The following SGCD variants were observed in gnomAD, a reference collection of about 807,000 sequenced individuals.
The protein encoded by SGCD is sarcoglycan delta.
A neutral mutation model predicts 36.6 loss-of-function variants in SGCD; 18 were observed. The observed-to-expected ratio is 0.49, with a 90% CI of 0.34 to 0.73. SGCD has a LOEUF of 0.73. Among genes scored for constraint, SGCD ranks in the 30% least tolerant of loss-of-function variants. The pLI is 0.01. For missense variants in SGCD, 387 were observed against 346.7 expected (o/e 1.12, Z -0.92); for synonymous variants, 133 against 130.6 (o/e 1.02, Z -0.12).
intron 7 of SGCD, among the ~76,000 whole-genome samples, chr5:156,719,842 GCTAT>G (rs1349602484): frequency 6.1e-5 from 9 of 148,426 alleles, no homozygotes; most frequent in African/African-American, 1.7e-4. Flanking sequence ...TTTTTTTTTG[GCTAT>G]CTGTCAGTTT....
chr5:156,021,948 A>T (rs1448257228), intron 1 of SGCD, among the ~76,000 whole-genome samples: 1 of 152,198 alleles, frequency 6.6e-6, no homozygotes, highest in Non-Finnish European at 1.5e-5. Context: ...TAGTATATTC[A>T]GAGTTGTACA....
At chr5:156,092,129 T>C (rs971931735) in intron 1 of SGCD, among the ~76,000 whole-genome samples, 2 of 152,218 alleles carry the variant, frequency 1.3e-5, no homozygotes, top group East Asian at 1.9e-4. Context: ...GTTCTGAGTA[T>C]AGTTCCTGTA....
intron 4 of SGCD, among the ~76,000 whole-genome samples, chr5:156,548,106 G>T (rs944130724): frequency 6.6e-6 from 1 of 152,164 alleles, no homozygotes; most frequent in African/African-American, 2.4e-5. Context: ...TAGGCACATA[G>T]CCTGAGTCAC....
intron 1 of SGCD, among the ~76,000 whole-genome samples, chr5:156,072,804 A>G (rs1018859267): frequency 3.9e-5 from 6 of 152,220 alleles, no homozygotes; most frequent in African/African-American, 1.2e-4. Flanking sequence ...ACATAGTCCC[A>G]TATTTCTTGG....
the SGCD span, among the ~76,000 whole-genome samples, chr5:155,836,053 A>T: frequency 2.0e-5 from 3 of 152,186 alleles, no homozygotes; most frequent in Non-Finnish European, 2.9e-5. Flanking sequence ...GATAACAGGG[A>T]TCTACTGTAT....
the SGCD span, among the ~76,000 whole-genome samples, chr5:155,772,485 A>G: frequency 6.6e-6 from 1 of 152,134 alleles, no homozygotes; most frequent in Non-Finnish European, 1.5e-5. Context: ...AGAGACAGGG[A>G]TGGATGGAGC....
chr5:156,412,405 TA>T, intron 3 of SGCD, among the ~76,000 whole-genome samples: 1 of 152,314 alleles, frequency 6.6e-6, no homozygotes, highest in South Asian at 2.1e-4. Context: ...AATTGGAAAA[TA>T]ACATAGTAAT....
the SGCD span, among the ~76,000 whole-genome samples, chr5:155,742,363 C>A: frequency 6.6e-6 from 1 of 152,046 alleles, no homozygotes; most frequent in East Asian, 1.9e-4. Flanking sequence ...ACCTTTTGTC[C>A]TTGGGTTCCT....
intron 7 of SGCD, among the ~76,000 whole-genome samples, chr5:156,750,132 A>G (rs1216944884): frequency 1.3e-5 from 2 of 152,128 alleles, no homozygotes; most frequent in African/African-American, 4.8e-5. Context: ...TCCATTATAT[A>G]AAATAGCATT....
chr5:155,893,148 A>T (rs1756175207), intron 1 of SGCD, among the ~76,000 whole-genome samples: 1 of 152,178 alleles, frequency 6.6e-6, no homozygotes, highest in Admixed American at 6.5e-5. Flanking sequence ...AGACACCGTA[A>T]ATGTTTGAGA....
At chr5:156,045,589 ACTT>A (rs1286265447) in intron 1 of SGCD, among the ~76,000 whole-genome samples, 2 of 152,152 alleles carry the variant, frequency 1.3e-5, no homozygotes, top group African/African-American at 4.8e-5. Flanking sequence ...ACAAAAATTT[ACTT>A]CTTTACACTT....
the SGCD span, among the ~76,000 whole-genome samples, chr5:155,762,891 G>A: frequency 3.2e-3 from 483 of 152,180 alleles, 1 homozygote; most frequent in African/African-American, 9.2e-3. Context: ...GAGTACCCTG[G>A]GTAGGTTAAG....
chr5:155,729,440 AG>A, the SGCD span, among the ~76,000 whole-genome samples: 1 of 152,250 alleles, frequency 6.6e-6, no homozygotes, highest in African/African-American at 2.4e-5. Context: ...AAAGAGACAG[AG>A]AAAGAGACAG....
chr5:156,259,032 C>T (rs1004422860), intron 3 of SGCD, among the ~76,000 whole-genome samples: 3 of 151,968 alleles, frequency 2.0e-5, no homozygotes, highest in Non-Finnish European at 4.4e-5. Flanking sequence ...CTGGCAAACA[C>T]GTCTTCAGAG....
At chr5:156,320,362 G>A (rs866028506) in intron 3 of SGCD, among the ~76,000 whole-genome samples, 2 of 152,132 alleles carry the variant, frequency 1.3e-5, no homozygotes, top group Non-Finnish European at 2.9e-5. Context: ...CTATCATGTA[G>A]TCTAGCTTCC....
chr5:156,609,959 G>A (rs1004246864), intron 6 of SGCD, among the ~76,000 whole-genome samples: 3 of 151,736 alleles, frequency 2.0e-5, no homozygotes, highest in African/African-American at 4.8e-5. Flanking sequence ...ATTTTTTTTC[G>A]AGGTTTTTAA....
rs185534509 is a variant in SGCD, at chr5:156,233,052, G to A, written c.-43-96482G>A. ...GTTTTCCCTTTTTAAAGGATAATAT[G>A]TATATATTCTTGACAATAGGACACC... On this transcript the variant is annotated intron_variant, in intron 3 of 9. Coordinates refer to the SGCD transcript ENST00000517913. 5.2e-4 allele frequency among the ~76,000 whole-genome samples: 79 copies of A among 152,296 alleles called. 2 individuals are homozygous for A. In the East Asian group the frequency reaches 0.014, roughly 28 times the overall value.
intron 3 of SGCD, among the ~76,000 whole-genome samples, chr5:156,226,580 C>G (rs910833293): frequency 6.6e-6 from 1 of 152,084 alleles, no homozygotes; most frequent in Non-Finnish European, 1.5e-5. Context: ...TGGGTAGATA[C>G]CAAGTAGGCA....
At chr5:156,145,362 G>A (rs895235148) in intron 3 of SGCD, among the ~76,000 whole-genome samples, 6 of 152,206 alleles carry the variant, frequency 3.9e-5, no homozygotes, top group African/African-American at 1.2e-4. Flanking sequence ...TTTCTGTACA[G>A]CCTACAGAAT....
Sources: gnomAD v4.1 joint callset for allele counts (sites outside exome capture counted in the v4.1 genomes callset) on GRCh38, gnomAD v4.1.1 for gene constraint, MANE v1.5 for transcripts, NCBI Gene and HGNC (gene_info 2026-07-23, HGNC 2026-07-21) for gene names.